KMT2C: variants seen among roughly 807,000 people sequenced by gnomAD.
The protein encoded by KMT2C is lysine methyltransferase 2C, also known as histone-lysine N-methyltransferase 2C.
In KMT2C, 88 loss-of-function variants were observed where a neutral mutation model predicts 507.9. The observed-to-expected ratio is 0.17, with a 90% CI of 0.15 to 0.21. KMT2C has a LOEUF of 0.21. Among genes scored for constraint, KMT2C ranks in the 10% least tolerant of loss-of-function variants. KMT2C has a pLI of 1.00. For synonymous variants in KMT2C, 2,049 were observed against 2,080.8 expected, an observed-to-expected ratio of 0.98 and a Z score of 0.42; for missense variants, 4,954 against 5,957.8, an observed-to-expected ratio of 0.83 and a Z score of 5.55.
intron 1 of KMT2C, among the ~76,000 whole-genome samples, chr7:152,372,227 C>G (rs1589532803): frequency 6.6e-6 from 1 of 152,142 alleles, no homozygotes; most frequent in East Asian, 1.9e-4. Context: ...GTGATCTCAG[C>G]TCACCGCAAC....
intron 2 of KMT2C, among the ~76,000 whole-genome samples, chr7:152,354,527 A>C (rs759594104): frequency 6.6e-6 from 1 of 152,220 alleles, no homozygotes; most frequent in South Asian, 2.1e-4. Context: ...GTTACGTACT[A>C]GGAGAAAAAT....
At position 152,135,992 on chromosome 7, in the gene KMT2C, C is replaced by A. The variant is rs1034022351; in HGVS notation, c.*840G>T. Reference sequence around the variant, plus strand: ...ATCCCTATGAACATTTTATAAGCCCCCGAGCTGCTGCAGAGCCTGGTAGCA... The same window carrying A: ...ATCCCTATGAACATTTTATAAGCCCACGAGCTGCTGCAGAGCCTGGTAGCA... On this transcript the variant is annotated 3_prime_UTR_variant, in exon 59 of 59. Coordinates refer to ENST00000262189, the MANE Select transcript of KMT2C (RefSeq NM_170606.3). 4 of 226,248 alleles carry A rather than the reference C, an allele frequency of 1.8e-5. No homozygotes were observed. The highest frequency in any genetic ancestry group is 2.6e-5 in the Non-Finnish European group (3 of 113,614). The allele number at this position is 226,248 out of a possible 1,614,324, so 14.0% of individuals were successfully genotyped here.
chr7:152,365,573 A>T (rs937501119), intron 1 of KMT2C, among the ~76,000 whole-genome samples: 4 of 152,182 alleles, frequency 2.6e-5, no homozygotes, highest in African/African-American at 9.7e-5. Flanking sequence ...TTCTTTTGAG[A>T]TGGAGTCTCG....
intron 1 of KMT2C, among the ~76,000 whole-genome samples, chr7:152,408,588 C>T (rs1210950540): frequency 1.3e-5 from 2 of 152,166 alleles, no homozygotes; most frequent in Non-Finnish European, 2.9e-5. Context: ...CTCATAGAAG[C>T]ACAAACCCTA....
intron 31 of KMT2C, among the ~76,000 whole-genome samples, chr7:152,193,295 T>C (rs774851907): frequency 1.3e-5 from 2 of 152,162 alleles, no homozygotes; most frequent in African/African-American, 4.8e-5. Context: ...CAGACCTTAA[T>C]CCTAGGCTAT....
At chr7:152,352,930 G>C (rs1320768113) in intron 2 of KMT2C, among the ~76,000 whole-genome samples, 1 of 152,086 alleles carries the variant, frequency 6.6e-6, no homozygotes, top group African/African-American at 2.4e-5. Context: ...AACACTAGGA[G>C]AAAAATGTTT....
At chr7:152,309,638 A>G (rs2129199061) in intron 6 of KMT2C, among the ~76,000 whole-genome samples, 2 of 147,896 alleles carry the variant, frequency 1.4e-5, no homozygotes, top group South Asian at 2.1e-4. Context: ...CTCCTGCCTC[A>G]GTGTCCCAAG....
At chr7:152,184,840 C>G in intron 34 of KMT2C, among the ~76,000 whole-genome samples, 1 of 152,224 alleles carries the variant, frequency 6.6e-6, no homozygotes, top group African/African-American at 2.4e-5. Flanking sequence ...TGCAGTCGTA[C>G]AATTCTGGCT....
chr7:152,363,217 G>A (rs997369629), intron 1 of KMT2C, among the ~76,000 whole-genome samples: 3 of 152,296 alleles, frequency 2.0e-5, no homozygotes, highest in East Asian at 3.9e-4. Flanking sequence ...ATGACAACAT[G>A]AAGATTATTT....
chr7:152,163,434 A>C lies in KMT2C; in HGVS notation c.10143T>G (p.Pro3381=). The C allele has an allele frequency of 6.2e-7, 1 of 1,614,130 alleles. No individual in the cohort carries two copies. Among genetic ancestry groups the C allele is most frequent in the Non-Finnish European group, 8.5e-7 (1 of 1,180,022 alleles). The change falls in exon 43 of 59, where the codon CCT becomes CCG. Residue 3381 remains proline (P), a synonymous_variant. Coordinates refer to ENST00000262189, the MANE Select transcript of KMT2C (RefSeq NM_170606.3). The part of the protein sequence containing the change: ...SNANPQSGPP[P]RVEFDDNNPF... ...GATTGTTGTCATCAAATTCTACCCG[A>C]GGTGGTGGTCCACTCTGTGGATTTG...
At chr7:152,306,255 C>T (rs2096615020) in intron 6 of KMT2C, among the ~76,000 whole-genome samples, 1 of 152,088 alleles carries the variant, frequency 6.6e-6, no homozygotes, top group South Asian at 2.1e-4. Context: ...GTGGTAATTG[C>T]TTATTTGGTC....
intron 1 of KMT2C, chr7:152,367,814 T>C (rs924120076): frequency 3.2e-6 from 3 of 923,568 alleles, no homozygotes; most frequent in East Asian, 2.4e-5. Context: ...AGATGCCTAA[T>C]AGCAGGGTGC....
chr7:152,195,815 GA>G (rs2093944677), intron 28 of KMT2C, 91 bp downstream of exon 28: 6 of 663,114 alleles, frequency 9.0e-6, no homozygotes, highest in Non-Finnish European at 1.4e-5. Context: ...CAGTTACTGG[GA>G]AACAGACAAA....
chr7:152,373,393 A>G (rs2097305978), intron 1 of KMT2C, among the ~76,000 whole-genome samples: 1 of 152,200 alleles, frequency 6.6e-6, no homozygotes, highest in South Asian at 2.1e-4. Flanking sequence ...TCTATAACTC[A>G]GGACAAAAAT....
At position 152,171,330 on chromosome 7, in the gene KMT2C, C is replaced by T; in HGVS notation, c.9387G>A (p.Met3129Ile). ...PPMVMSRFPF[M>I]GQVVTGTQNS... ...TCTGTGTTCCAGTTACCACCTGGCC[C>T]ATAAAAGGGAACCTGTCAAAACAGG... The change falls in exon 40 of 59, where the codon ATG becomes ATA. Residue 3129 changes from methionine (M) to isoleucine (I), a missense_variant. Physicochemically the swap from Met to Ile is conservative, Grantham distance 10 (BLOSUM62 1). Transcript: ENST00000262189. 2 of 1,603,780 alleles carry T rather than the reference C, an allele frequency of 1.2e-6. No homozygotes were observed. Among genetic ancestry groups the T allele is most frequent in the Middle Eastern group, 1.7e-4 (1 of 6,038 alleles).
chr7:152,430,055 G>GT (rs35912999), intron 1 of KMT2C, among the ~76,000 whole-genome samples: 45,703 of 151,034 alleles, frequency 0.3, 7,163 homozygotes, highest in Middle Eastern at 0.35. Flanking sequence ...GCATGCGCCT[G>GT]TAATCCCAGC....
chr7:152,263,175 T>C (rs370361981), intron 8 of KMT2C, 45 bp from the exon 9 acceptor site: 13 of 1,516,602 alleles, frequency 8.6e-6, no homozygotes, highest in African/African-American at 8.3e-5. Context: ...TTTAAACTTA[T>C]GTTTTGTAAC....
At chr7:152,385,783 A>G (rs1333174446) in intron 1 of KMT2C, among the ~76,000 whole-genome samples, 1 of 151,816 alleles carries the variant, frequency 6.6e-6, no homozygotes, top group African/African-American at 2.4e-5. Context: ...TAATATTTAT[A>G]AACGATATCA....
intron 1 of KMT2C, among the ~76,000 whole-genome samples, chr7:152,390,233 G>C (rs2097480952): frequency 6.6e-6 from 1 of 150,574 alleles, no homozygotes; most frequent in African/African-American, 2.4e-5. Flanking sequence ...TTTTTAAATT[G>C]TAAAGAAAAA....
Sources: allele counts gnomAD v4.1 joint callset (sites outside exome capture counted in the v4.1 genomes callset), GRCh38; gene constraint gnomAD v4.1.1; transcripts MANE v1.5; gene names NCBI Gene and HGNC (gene_info 2026-07-23, HGNC 2026-07-21).